The following TTN variants were observed in gnomAD, a reference collection of about 807,000 sequenced individuals.
TTN encodes connectin.
Under a neutral mutation model 3,223.0 loss-of-function variants are expected in TTN, and 1,525 were observed. That is an observed-to-expected ratio of 0.47 (90% CI 0.45 to 0.49). The LOEUF (loss-of-function observed/expected upper bound fraction) is 0.49. Among genes scored for constraint, TTN ranks in the 20% least tolerant of loss-of-function variants. The pLI, the probability that TTN is intolerant of heterozygous loss-of-function variation, is 0.00. For missense variants in TTN, 40,786 were observed against 43,424.0 expected (o/e 0.94, Z 5.40); for synonymous variants, 14,094 against 15,161.0 (o/e 0.93, Z 5.17).
chr2:178,700,887 C>A (rs2074842591), intron 111 of TTN, among the ~76,000 whole-genome samples: 1 of 152,098 alleles, frequency 6.6e-6, no homozygotes, highest in Non-Finnish European at 1.5e-5. Context: ...TCAGTAATTT[C>A]ATTAAAATAA....
Position 178,741,254 on chromosome 2 carries a change from A to C in TTN, c.11979T>G (p.Ser3993=). 6.2e-7 allele frequency: 1 copy of C among 1,613,786 alleles called. No individual in the cohort carries two copies. Among genetic ancestry groups the C allele is most frequent in the Non-Finnish European group, 8.5e-7 (1 of 1,179,834 alleles). Residue 3993 remains serine (S), a synonymous_variant, in exon 48 of 363, where the codon TCT becomes TCG. Transcript: ENST00000589042. The stretch of plus-strand genomic sequence containing the variant: ...GAGGGTCATTGACAATGAAAGTTCC[A>C]GAGCCATTAGGGTTATGAATGATAG... The part of the protein sequence containing the change: ...YYTIIHNPNG[S]GTFIVNDPQR...
chr2:178,694,988 A>G, intron 115 of TTN, 82 bp from the exon 116 acceptor site: 1 of 976,764 alleles, frequency 1.0e-6, no homozygotes, highest in South Asian at 1.7e-5. Flanking sequence ...CTCTCTGTGT[A>G]TATGTGTTTA....
rs772070310 is a variant in TTN, at chr2:178,738,338, T to C, written c.14115A>G (p.Lys4705=). The C allele has an allele frequency of 6.2e-7, 1 of 1,612,738 alleles. No individual in the cohort carries two copies. Among genetic ancestry groups the C allele is most frequent in the Non-Finnish European group, 8.5e-7 (1 of 1,179,068 alleles). ...CCAGTGCTACTTCCAGGGGTTCGAT[T>C]TTCCTCTTGATCACTGGGGCAGCTG... ...VKRAAPVIKR[K]IEPLEVALGH... The change falls in exon 49 of 363, where the codon AAA becomes AAG. Residue 4705 remains lysine (K), a synonymous_variant. Coordinates refer to ENST00000589042, the MANE Select transcript of TTN (RefSeq NM_001267550.2).
rs147282266 is a variant in TTN at position 178,703,057 on chromosome 2, G to A, written c.30224-394C>T. Among the ~76,000 whole-genome samples the A allele has an allele frequency of 1.8e-3, 278 of 152,200 alleles. 5 individuals carry two copies. In the South Asian group the frequency reaches 0.024, roughly 13 times the overall value. On this transcript the variant is annotated intron_variant, in intron 106 of 362. Transcript: ENST00000589042. ...TTCTTGCCTCAGTAAAATAATTTTT[G>A]CTATTCAGGATCTATAATTGTTTAT...
chr2:178,666,292 T>C (rs2065916272), intron 163 of TTN, among the ~76,000 whole-genome samples: 1 of 152,098 alleles, frequency 6.6e-6, no homozygotes, highest in Admixed American at 6.6e-5. Context: ...ATTATTGTTC[T>C]GGAGGTTTTA....
At position 178,635,172 on chromosome 2, in the gene TTN, G is replaced by A; in HGVS notation, c.42017C>T (p.Pro14006Leu). The A allele has an allele frequency of 1.9e-6, 3 of 1,612,654 alleles. No individual in the cohort carries two copies. Among genetic ancestry groups the A allele is most frequent in the Non-Finnish European group, 2.5e-6 (3 of 1,179,328 alleles). The change falls in exon 228 of 363, where the codon CCC becomes CTC. Residue 14006 changes from proline (P) to leucine (L), a missense_variant. Physicochemically the swap from Pro to Leu is moderately conservative, Grantham distance 98. Transcript: ENST00000589042. ...AAATGTGAAATTACTCACAGGTGAG[G>A]GCCTTAGAAGTTCTCCTTTCAGTTT... ...QWKLKGELLRPSPTCEIKAEG... is the reference protein window; with the variant it reads ...QWKLKGELLRLSPTCEIKAEG...
Position 178,573,811 on chromosome 2 carries a change from A to G in TTN, c.72321T>C (p.Pro24107=). 1 of 1,611,498 alleles carries G rather than the reference A, an allele frequency of 6.2e-7. No individual in the cohort carries two copies. The highest frequency in any genetic ancestry group is 1.7e-5 in the Admixed American group (1 of 59,838). The change falls in exon 326 of 363, where the codon CCT becomes CCC. Residue 24107 remains proline (P), a synonymous_variant. Coordinates refer to ENST00000589042, the MANE Select transcript of TTN (RefSeq NM_001267550.2). ...TGAAAATGTGTTTAGCAAAGCCACCAGGATTAGTCGCTGTAAGGGTATAGG... is the reference window on the plus strand; with the variant it reads ...TGAAAATGTGTTTAGCAAAGCCACCGGGATTAGTCGCTGTAAGGGTATAGG... ...SGAYTLTATN[P]GGFAKHIFNV...
chr2:178,666,432 ATT>A (rs2154261242), intron 163 of TTN, among the ~76,000 whole-genome samples: 1 of 152,170 alleles, frequency 6.6e-6, no homozygotes, highest in Admixed American at 6.6e-5. Flanking sequence ...AACTGGAATT[ATT>A]TTTCCCTAGG....
At chr2:178,683,040 T>C in intron 134 of TTN, 137 bp from the exon 135 acceptor site, 2 of 1,039,838 alleles carry the variant, frequency 1.9e-6, no homozygotes, top group Non-Finnish European at 1.4e-6. Context: ...CTGTTCTTTT[T>C]TGGCCAGTCA....
At position 178,535,156 on chromosome 2, in the gene TTN, A is replaced by G. The variant is rs995436105; in HGVS notation, c.101459T>C (p.Met33820Thr). The stretch of plus-strand genomic sequence containing the variant: ...ACCACGCCCAAGATCTTCAGCAATC[A>G]TATATTTCTCATAGAGTTCCTTGGT... ...SSTKELYEKY[M>T]IAEDLGRGEF... is the part of the protein sequence containing the mutation. The change falls in exon 358 of 363, where the codon ATG becomes ACG. Residue 33820 changes from methionine (M) to threonine (T), a missense_variant. By Grantham distance (81) the Met-to-Thr change is moderately conservative. Coordinates refer to ENST00000589042, the MANE Select transcript of TTN (RefSeq NM_001267550.2). 6.2e-7 allele frequency: 1 copy of G among 1,613,784 alleles called. No homozygotes were observed. The highest frequency in any genetic ancestry group is 1.3e-5 in the African/African-American group (1 of 74,924).
intron 47 of TTN, chr2:178,747,045 T>C (rs752780204): frequency 2.5e-6 from 4 of 1,613,256 alleles, no homozygotes; most frequent in Admixed American, 1.7e-5. Flanking sequence ...CCAGTAGGAA[T>C]AGAATATCTC....
chr2:178,750,117 C>A, intron 47 of TTN: 1 of 1,613,140 alleles, frequency 6.2e-7, no homozygotes, highest in Non-Finnish European at 8.5e-7. Context: ...AATTCTGTGT[C>A]TCCAGAGGGA....
chr2:178,788,091 C>T (rs770392042), intron 13 of TTN, among the ~76,000 whole-genome samples: 1 of 152,068 alleles, frequency 6.6e-6, no homozygotes, highest in Non-Finnish European at 1.5e-5. Context: ...AGATGGAACA[C>T]TAGAAGCACA....
At chr2:178,645,003 A>G in intron 217 of TTN, 1 of 188,522 alleles carries the variant, frequency 5.3e-6, no homozygotes, top group Admixed American at 6.4e-5. Context: ...TGAGGGTTGT[A>G]GAGGGCAAGA....
chr2:178,593,618 C>G lies in TTN; in HGVS notation c.58682G>C (p.Gly19561Ala), dbSNP rs372491628. The change falls in exon 298 of 363, where the codon GGA (glycine) becomes GCA (alanine). Residue 19561 changes from glycine to alanine, a missense_variant. Transcript: ENST00000589042. ...IFRIHAENLY[G>A]ISDPLVSDSM... is the part of the protein sequence containing the mutation. ...ATCAGACACCAGAGGATCACTTATTCCATACAGATTTTCAGCATGTATCCG... is the reference window on the plus strand; with the variant it reads ...ATCAGACACCAGAGGATCACTTATTGCATACAGATTTTCAGCATGTATCCG... 7 of 1,612,762 alleles carry G rather than the reference C, an allele frequency of 4.3e-6. No individual in the cohort carries two copies. The highest frequency in any genetic ancestry group is 5.9e-6 in the Non-Finnish European group (7 of 1,179,492).
intron 47 of TTN, chr2:178,744,766 C>T: frequency 1.0e-6 from 1 of 984,916 alleles, no homozygotes; most frequent in Non-Finnish European, 1.2e-6. Flanking sequence ...TGATAGTTTC[C>T]CTTTTTTCCC....
intron 288 of TTN, 164 bp downstream of exon 288, chr2:178,600,690 T>C: frequency 6.3e-6 from 5 of 795,472 alleles, no homozygotes; most frequent in Non-Finnish European, 1.1e-5. Flanking sequence ...GAAAATTCTG[T>C]GGAAATTGAA....
chr2:178,557,181 A>G (rs1163240081), intron 329 of TTN, 37 bp from the exon 330 acceptor site: 2 of 1,612,438 alleles, frequency 1.2e-6, no homozygotes, highest in Non-Finnish European at 1.7e-6. Flanking sequence ...CGGCACTTAT[A>G]ATATTTTGCT....
chr2:178,564,488 C>A lies in TTN; in HGVS notation c.81644G>T (p.Gly27215Val). ...GGTAAAGCTGGCTTTCATCCAGCGGCCATCAGGTAGATCTTTCTTTTCTAC... is the reference window on the plus strand; with the variant it reads ...GGTAAAGCTGGCTTTCATCCAGCGGACATCAGGTAGATCTTTCTTTTCTAC... ...YIVEKKDLPD[G>V]RWMKASFTNV... Residue 27215 changes from glycine (G) to valine (V), a missense_variant, in exon 326 of 363, where the codon GGC becomes GTC. Physicochemically the swap from Gly to Val is moderately radical, Grantham distance 109. Coordinates refer to ENST00000589042, the MANE Select transcript of TTN (RefSeq NM_001267550.2). 2.5e-6 allele frequency: 4 copies of A among 1,612,024 alleles called. No homozygotes were observed. Among genetic ancestry groups the A allele is most frequent in the Non-Finnish European group, 3.4e-6 (4 of 1,178,942 alleles).
Sources: gnomAD v4.1 joint callset for allele counts (sites outside exome capture counted in the v4.1 genomes callset) on GRCh38, gnomAD v4.1.1 for gene constraint, MANE v1.5 for transcripts, NCBI Gene and HGNC (gene_info 2026-07-23, HGNC 2026-07-21) for gene names.